Variants in PARVA observed in about 807,000 individuals in gnomAD.
PARVA encodes the protein parvin alpha.
Under a neutral mutation model 52.6 loss-of-function variants are expected in PARVA, and 25 were observed. The observed-to-expected ratio is 0.48, with a 90% CI of 0.35 to 0.66. The LOEUF (loss-of-function observed/expected upper bound fraction) is 0.66, where lower values mean the gene tolerates loss of function less well. Among genes scored for constraint, PARVA ranks in the 30% least tolerant of loss-of-function variants. The pLI is 0.01. For synonymous variants in PARVA, 185 were observed against 179.1 expected, an observed-to-expected ratio of 1.03 and a Z score of -0.26; for missense variants, 373 against 450.9, an observed-to-expected ratio of 0.83 and a Z score of 1.56.
At chr11:12,430,139 C>G (rs554400220) in intron 1 of PARVA, among the ~76,000 whole-genome samples, 8 of 152,236 alleles carry the variant, frequency 5.3e-5, no homozygotes, top group African/African-American at 1.9e-4. Flanking sequence ...TAAATACCCC[C>G]ACTAGGGCCA....
intron 1 of PARVA, among the ~76,000 whole-genome samples, chr11:12,452,097 G>C (rs140031850): frequency 1.3e-5 from 2 of 151,838 alleles, no homozygotes; most frequent in Admixed American, 1.3e-4. Flanking sequence ...AACTGGTCCC[G>C]GCACCTGAGC....
chr11:12,505,815 G>C (rs1247560171), intron 6 of PARVA, among the ~76,000 whole-genome samples: 1 of 152,208 alleles, frequency 6.6e-6, no homozygotes, highest in African/African-American at 2.4e-5. Context: ...AATGATGTGT[G>C]AATGCAATTC....
intron 1 of PARVA, among the ~76,000 whole-genome samples, chr11:12,462,619 T>G (rs1940799356): frequency 6.6e-6 from 1 of 152,174 alleles, no homozygotes; most frequent in Admixed American, 6.5e-5. Context: ...GCCGCAAAGT[T>G]TGTGATTTGC....
intron 4 of PARVA, among the ~76,000 whole-genome samples, chr11:12,485,983 A>G (rs1159416789): frequency 1.3e-5 from 2 of 152,246 alleles, no homozygotes; most frequent in African/African-American, 4.8e-5. Flanking sequence ...CTAAGGAGAC[A>G]TGAAGAAAAG....
chr11:12,513,222 T>TG, intron 8 of PARVA, 77 bp from the exon 9 acceptor site: 1 of 1,238,972 alleles, frequency 8.1e-7, no homozygotes, highest in Non-Finnish European at 1.2e-6. Context: ...GAGAGGCGCG[T>TG]GGCTCTGGGA....
At chr11:12,440,949 A>G (rs1451848127) in intron 1 of PARVA, among the ~76,000 whole-genome samples, 1 of 152,260 alleles carries the variant, frequency 6.6e-6, no homozygotes, top group East Asian at 1.9e-4. Flanking sequence ...ACCCATGATT[A>G]CATCTACATA....
intron 1 of PARVA, among the ~76,000 whole-genome samples, chr11:12,385,217 T>A (rs1939556693): frequency 6.6e-6 from 1 of 152,134 alleles, no homozygotes; most frequent in South Asian, 2.1e-4. Context: ...TAGCCCCAGC[T>A]ACTCAGGAGG....
chr11:12,390,029 T>C (rs1939634765), intron 1 of PARVA, among the ~76,000 whole-genome samples: 2 of 152,188 alleles, frequency 1.3e-5, no homozygotes, highest in East Asian at 1.9e-4. Flanking sequence ...TGAATGAGGC[T>C]CTTCATGAAA....
intron 8 of PARVA, 61 bp downstream of exon 8, chr11:12,511,594 G>C (rs866771368): frequency 6.4e-7 from 1 of 1,557,118 alleles, no homozygotes; most frequent in Non-Finnish European, 8.8e-7. Flanking sequence ...AGTTAATTCC[G>C]CAGCAGCTGG....
chr11:12,507,525 T>C (rs1941447103), intron 6 of PARVA, among the ~76,000 whole-genome samples: 1 of 152,184 alleles, frequency 6.6e-6, no homozygotes. Flanking sequence ...GGATGGCCTC[T>C]GGAACACATT....
intron 4 of PARVA, among the ~76,000 whole-genome samples, chr11:12,485,879 A>G (rs1018941471): frequency 6.6e-6 from 1 of 152,182 alleles, no homozygotes; most frequent in Non-Finnish European, 1.5e-5. Flanking sequence ...AAAATATAGG[A>G]AAAATCAAGC....
intron 8 of PARVA, among the ~76,000 whole-genome samples, chr11:12,511,787 G>A (rs1054721434): frequency 6.6e-6 from 1 of 152,138 alleles, no homozygotes; most frequent in Non-Finnish European, 1.5e-5. Flanking sequence ...TGTAGCTATT[G>A]ATGTTCACAG....
chr11:12,508,987 G>A (rs1055407709), intron 7 of PARVA, among the ~76,000 whole-genome samples: 5 of 151,378 alleles, frequency 3.3e-5, no homozygotes, highest in East Asian at 3.9e-4. Context: ...TCAAAAGGAC[G>A]TTTTTCTTCC....
intron 1 of PARVA, among the ~76,000 whole-genome samples, chr11:12,403,589 G>A (rs988549569): frequency 6.6e-6 from 1 of 152,212 alleles, no homozygotes; most frequent in African/African-American, 2.4e-5. Flanking sequence ...AAGCCAGTAA[G>A]CCGGTTTCTT....
Position 12,433,022 on chromosome 11 carries a change from G to A in PARVA, c.137-40723G>A, listed in dbSNP as rs116673507. Reference sequence around the variant, plus strand: ...ATATTAAATTGAATTGTTTTGAATCGTTTTAATACCCATAGAAGAAGCTAG... The same window carrying A: ...ATATTAAATTGAATTGTTTTGAATCATTTTAATACCCATAGAAGAAGCTAG... On this transcript the variant is annotated intron_variant, in intron 1 of 12. Transcript: ENST00000334956. Among the ~76,000 whole-genome samples, 692 of 152,294 alleles carry A rather than the reference G, an allele frequency of 4.5e-3. 3 individuals carry two copies. Among genetic ancestry groups the A allele is most frequent in the African/African-American group, 0.016 (674 of 41,552 alleles).
intron 8 of PARVA, 139 bp downstream of exon 8, chr11:12,511,672 G>C (rs530938584): frequency 1.2e-6 from 1 of 850,256 alleles, no homozygotes; most frequent in Non-Finnish European, 1.9e-6. Context: ...TGGCCAATTG[G>C]GTTGGGAGGG....
chr11:12,413,339 CTG>C (rs1589948150), intron 1 of PARVA, among the ~76,000 whole-genome samples: 1 of 152,188 alleles, frequency 6.6e-6, no homozygotes, highest in African/African-American at 2.4e-5. Flanking sequence ...TAAAACATGA[CTG>C]TGCTCCAGGG....
intron 1 of PARVA, among the ~76,000 whole-genome samples, chr11:12,379,688 C>T (rs972468256): frequency 1.3e-5 from 2 of 152,216 alleles, no homozygotes; most frequent in African/African-American, 4.8e-5. Context: ...ACATCTTCAG[C>T]GCTGAGGATT....
intron 1 of PARVA, among the ~76,000 whole-genome samples, chr11:12,384,299 CT>C (rs767917617): frequency 1.3e-5 from 2 of 152,210 alleles, no homozygotes; most frequent in Non-Finnish European, 2.9e-5. Context: ...ACCTGCTTGT[CT>C]TTTCTTATCT....
Sources: allele counts gnomAD v4.1 joint callset (sites outside exome capture counted in the v4.1 genomes callset), GRCh38; gene constraint gnomAD v4.1.1; transcripts MANE v1.5; gene names NCBI Gene and HGNC (gene_info 2026-07-23, HGNC 2026-07-21).